Variants in NMU observed in about 807,000 individuals in gnomAD.
NMU encodes the protein neuromedin-U.
Under a neutral mutation model 35.4 loss-of-function variants are expected in NMU, and 29 were observed. That is an observed-to-expected ratio of 0.82 (90% CI 0.61 to 1.12). The LOEUF is 1.12. Among genes scored for constraint, NMU ranks in the 50% most tolerant of loss-of-function variants. The pLI is 0.00. For missense variants in NMU, 199 were observed against 206.2 expected (o/e 0.97, Z 0.21); for synonymous variants, 78 against 81.3 (o/e 0.96, Z 0.22).
In NMU at chr4:55,600,522, C is replaced by T; in HGVS notation, c.489G>A (p.Arg163=). The change falls in exon 8 of 10, where the codon AGG becomes AGA. Residue 163 remains arginine (R), a splice_region_variant and synonymous_variant. Coordinates refer to ENST00000264218, the MANE Select transcript of NMU (RefSeq NM_006681.4). ...TTTTAAAAATACAGTATGTACCTACCCTGAATAAAAAATATCCTCGACTTT... is the reference window on the plus strand; with the variant it reads ...TTTTAAAAATACAGTATGTACCTACTCTGAATAAAAAATATCCTCGACTTT... ...ASQSRGYFLF[R]PRNGRRSAGF... is the part of the protein sequence containing the mutation. 1 of 1,600,130 alleles carries T rather than the reference C, an allele frequency of 6.2e-7. No individual in the cohort carries two copies. Among genetic ancestry groups the T allele is most frequent in the South Asian group, 1.1e-5 (1 of 90,710 alleles).
intron 3 of NMU, 51 bp downstream of exon 3, chr4:55,616,287 A>C: frequency 7.6e-7 from 1 of 1,308,922 alleles, no homozygotes; most frequent in Non-Finnish European, 1.1e-6. Context: ...GGAGAGTTTA[A>C]GCACTACACA....
intron 2 of NMU, among the ~76,000 whole-genome samples, chr4:55,627,996 G>A (rs1241475774): frequency 6.6e-6 from 1 of 152,204 alleles, no homozygotes; most frequent in Non-Finnish European, 1.5e-5. Flanking sequence ...TACATTTACT[G>A]TGTAAGATAG....
At chr4:55,595,543 T>TATAG (rs1491531068) in intron 9 of NMU, 132 bp from the exon 10 acceptor site, 3 of 6,782 alleles carry the variant, frequency 4.4e-4, no homozygotes, top group Admixed American at 2.7e-3. Flanking sequence ...TTCCCAGCTG[T>TATAG]ATATATATAT....
chr4:55,619,275 T>C (rs1734267335), intron 2 of NMU, among the ~76,000 whole-genome samples: 1 of 146,036 alleles, frequency 6.8e-6, no homozygotes, highest in African/African-American at 2.5e-5. Context: ...CACTAGGGAG[T>C]GCCAGACAGT....
At chr4:55,599,418 C>G (rs1419909601) in intron 8 of NMU, among the ~76,000 whole-genome samples, 1 of 152,134 alleles carries the variant, frequency 6.6e-6, no homozygotes, top group African/African-American at 2.4e-5. Flanking sequence ...GCAAAGACCA[C>G]CATGAACTAG....
intron 8 of NMU, 54 bp downstream of exon 8, chr4:55,600,468 A>T (rs1478339131): frequency 2.6e-6 from 3 of 1,145,720 alleles, no homozygotes; most frequent in Non-Finnish European, 4.0e-6. Context: ...CACAGGGAAC[A>T]TATTTTTAAA....
intron 2 of NMU, among the ~76,000 whole-genome samples, chr4:55,619,912 C>G (rs1236829081): frequency 7.8e-6 from 1 of 128,710 alleles, no homozygotes; most frequent in Non-Finnish European, 1.7e-5. Context: ...CACACTGACA[C>G]CTCACAAGGC....
At chr4:55,629,456 T>C (rs1208144505) in intron 2 of NMU, among the ~76,000 whole-genome samples, 2 of 151,442 alleles carry the variant, frequency 1.3e-5, no homozygotes, top group East Asian at 3.9e-4. Context: ...CCGTCTCTAC[T>C]AAAAATACAA....
rs3792703 is a variant in NMU, at chr4:55,636,011, G to A, written c.112+70C>T. The A allele has an allele frequency of 0.36, 543,693 of 1,530,552 alleles. 98,903 individuals carry two copies. Among genetic ancestry groups the A allele is most frequent in the African/African-American group, 0.53 (38,322 of 72,488 alleles). The allele number at this position is 1,530,552 out of a possible 1,614,324, so 94.8% of individuals were successfully genotyped here. Reference sequence around the variant, plus strand: ...GTAAAGGTGAGAGAAAGAGGGTGGAGGAGAGCGGTGAGTGGAGCCAGAGAG... The same window carrying A: ...GTAAAGGTGAGAGAAAGAGGGTGGAAGAGAGCGGTGAGTGGAGCCAGAGAG... On this transcript the variant is annotated intron_variant, in intron 1 of 9. Coordinates refer to ENST00000264218, the MANE Select transcript of NMU (RefSeq NM_006681.4). The surrounding 1 kb of genome is among the most constrained non-coding windows in gnomAD (Gnocchi z 4.0).
At chr4:55,598,685 A>G (rs926863117) in intron 9 of NMU, among the ~76,000 whole-genome samples, 4 of 152,228 alleles carry the variant, frequency 2.6e-5, no homozygotes, top group African/African-American at 9.6e-5. Context: ...CTGGTAAATC[A>G]CTAGCTTTTA....
intron 1 of NMU, 94 bp from the exon 2 acceptor site, chr4:55,630,554 T>A: frequency 2.1e-6 from 2 of 966,342 alleles, no homozygotes; most frequent in East Asian, 5.1e-5. Flanking sequence ...CTTTCTTCAT[T>A]TTTCACTGTA....
intron 3 of NMU, among the ~76,000 whole-genome samples, chr4:55,609,696 A>AT (rs1397700720): frequency 1.3e-5 from 2 of 152,212 alleles, no homozygotes; most frequent in East Asian, 3.9e-4. Context: ...ACCCTTCCAG[A>AT]TTGCTGACTG....
chr4:55,618,837 T>C (rs1327904779), intron 2 of NMU, among the ~76,000 whole-genome samples: 2 of 151,128 alleles, frequency 1.3e-5, no homozygotes, highest in African/African-American at 4.9e-5. Flanking sequence ...CTTCTTTCTT[T>C]TCTCTCTCTT....
At chr4:55,599,572 C>T (rs779422785) in intron 8 of NMU, among the ~76,000 whole-genome samples, 2 of 152,102 alleles carry the variant, frequency 1.3e-5, no homozygotes, top group Non-Finnish European at 2.9e-5. Context: ...CAGTCCAATT[C>T]CTTCATTCAA....
Position 55,605,289 on chromosome 4 carries a change from T to C in NMU, c.421A>G (p.Arg141Gly). The change falls in exon 7 of 10, where the codon AGA becomes GGA. Residue 141 changes from arginine (R) to glycine (G), a missense_variant. Physicochemically the swap from Arg to Gly is moderately radical, Grantham distance 125. Transcript: ENST00000264218. The part of the protein sequence containing the change: ...VPHLHERRMK[R>G]FRVDEEFQSP... ...GTATTACATACGTCCACTCTGAATCTCTTCATTCTTCTCTCATGCAGGTGA... is the reference window on the plus strand; with the variant it reads ...GTATTACATACGTCCACTCTGAATCCCTTCATTCTTCTCTCATGCAGGTGA... The C allele has an allele frequency of 6.2e-7, 1 of 1,612,606 alleles. No homozygotes were observed. Among genetic ancestry groups the C allele is most frequent in the Non-Finnish European group, 8.5e-7 (1 of 1,178,592 alleles).
At chr4:55,602,708 T>G (rs1305520085) in intron 7 of NMU, among the ~76,000 whole-genome samples, 1 of 152,232 alleles carries the variant, frequency 6.6e-6, no homozygotes, top group Non-Finnish European at 1.5e-5. Flanking sequence ...TGATGACAAC[T>G]GCTTTTTTCT....
chr4:55,600,536 A>G lies in NMU; in HGVS notation c.475T>C (p.Tyr159His). 1 of 1,609,930 alleles carries G rather than the reference A, an allele frequency of 6.2e-7. No individual in the cohort carries two copies. The highest frequency in any genetic ancestry group is 8.5e-7 in the Non-Finnish European group (1 of 1,176,416). ...QSPFASQSRG[Y>H]FLFRPRNGRR... ...TATGTACCTACCCTGAATAAAAAAT[A>G]TCCTCGACTTTGACTTGCAAAGGGA... is the stretch of plus-strand genomic sequence containing the variant. Residue 159 changes from tyrosine (Y) to histidine (H), a missense_variant, in exon 8 of 10, where the codon TAT becomes CAT. Coordinates refer to ENST00000264218, the MANE Select transcript of NMU (RefSeq NM_006681.4).
chr4:55,617,378 A>AACT (rs1734147701), intron 2 of NMU, among the ~76,000 whole-genome samples: 1 of 152,120 alleles, frequency 6.6e-6, no homozygotes, highest in Admixed American at 6.6e-5. Flanking sequence ...ATCCTCACAG[A>AACT]ACTTTTATCC....
intron 3 of NMU, among the ~76,000 whole-genome samples, chr4:55,615,574 T>C (rs1734082011): frequency 1.3e-5 from 2 of 152,220 alleles, no homozygotes; most frequent in South Asian, 4.1e-4. Context: ...TCAAACTCAA[T>C]TGGGAGATAG....
Sources: gnomAD v4.1 joint callset for allele counts (sites outside exome capture counted in the v4.1 genomes callset) on GRCh38, gnomAD v4.1.1 for gene constraint, Gnocchi (gnomAD v3.1) non-coding constraint, MANE v1.5 for transcripts, NCBI Gene and HGNC (gene_info 2026-07-23, HGNC 2026-07-21) for gene names.